The following SCG5 variants were observed in gnomAD, a reference collection of about 807,000 sequenced individuals.
The protein encoded by SCG5 is neuroendocrine protein 7B2.
In SCG5, 18 loss-of-function variants were observed where a neutral mutation model predicts 25.7. The observed-to-expected ratio is 0.70, with a 90% CI of 0.48 to 1.04. The LOEUF (loss-of-function observed/expected upper bound fraction) is 1.04, where lower values mean the gene tolerates loss of function less well. Ranked by LOEUF, SCG5 falls within the 50% of genes least tolerant of loss-of-function variation. The pLI, the probability that SCG5 is intolerant of heterozygous loss-of-function variation, is 0.00. For synonymous variants in SCG5, 101 were observed against 91.7 expected, an observed-to-expected ratio of 1.10 and a Z score of -0.58; for missense variants, 206 against 259.8, an observed-to-expected ratio of 0.79 and a Z score of 1.42.
At position 32,643,774 on chromosome 15, in the gene SCG5, C is replaced by T. The variant is rs754987387; in HGVS notation, c.182C>T (p.Pro61Leu). Residue 61 changes from proline to leucine, a missense_variant, in exon 2 of 6, where the codon CCA (proline) becomes CTA (leucine). By Grantham distance (98) the Pro-to-Leu change is moderately conservative (BLOSUM62 -3). Coordinates refer to ENST00000300175, the MANE Select transcript of SCG5 (RefSeq NM_001144757.3). ...ATTGCCAGGCCCCGAGTGGAATATC[C>T]AGCTCACCAGGCCATGAATCTTGTG... ...LGIARPRVEY[P>L]AHQAMNLVGP... is the part of the protein sequence containing the mutation. 5.6e-6 allele frequency: 9 copies of T among 1,613,776 alleles called. No homozygotes were observed. The African/African-American group carries it at 1.1e-4, about 19-fold the overall frequency.
chr15:32,694,769 T>A (rs997497416), intron 5 of SCG5, among the ~76,000 whole-genome samples: 2 of 152,280 alleles, frequency 1.3e-5, no homozygotes, highest in African/African-American at 4.8e-5. Flanking sequence ...TGCATCTTTG[T>A]AGAGTGAGTC....
At chr15:32,656,521 G>A (rs1267458224) in intron 2 of SCG5, among the ~76,000 whole-genome samples, 4 of 152,182 alleles carry the variant, frequency 2.6e-5, no homozygotes, top group African/African-American at 7.2e-5. Flanking sequence ...TAAGCTTTAC[G>A]AGTTAAATGT....
In SCG5 at chr15:32,662,749, A is replaced by AT. The variant is rs2054240729; in HGVS notation, c.227-17016dup. Reference sequence around the variant, plus strand: ...CCTGAAGTTGGAAGAAGAGGGAAGAATGGCGAGAGAGGAGGTAGTGCAGAG... The same window carrying AT: ...CCTGAAGTTGGAAGAAGAGGGAAGAATTGGCGAGAGAGGAGGTAGTGCAGAG... On this transcript the variant is annotated intron_variant, in intron 2 of 5. Coordinates refer to ENST00000300175, the MANE Select transcript of SCG5 (RefSeq NM_001144757.3). Among the ~76,000 whole-genome samples the AT allele has an allele frequency of 3.9e-5, 6 of 152,178 alleles. No homozygotes were observed. The South Asian group carries it at 1.0e-3, about 26-fold the overall frequency.
chr15:32,692,091 A>T, intron 5 of SCG5: 2 of 1,173,666 alleles, frequency 1.7e-6, no homozygotes, highest in Non-Finnish European at 2.1e-6. Context: ...CTGCCCTCCC[A>T]GGGTCTGTAG....
At position 32,679,867 on chromosome 15, in the gene SCG5, G is replaced by T. The variant is rs760788142; in HGVS notation, c.328G>T (p.Asp110Tyr). The T allele has an allele frequency of 1.2e-6, 2 of 1,613,938 alleles. No homozygotes were observed. The highest frequency in any genetic ancestry group is 1.1e-5 in the South Asian group (1 of 91,064). ...CAACATTCCTAAGGACTTTAGTGAG[G>T]ATCAGGGGTACCCAGACCCTCCAAA... ...GDNIPKDFSE[D>Y]QGYPDPPNPC... is the part of the protein sequence containing the mutation. Residue 110 changes from aspartate (D) to tyrosine (Y), a missense_variant, in exon 3 of 6, where the codon GAT becomes TAT. Transcript: ENST00000300175.
intron 2 of SCG5, among the ~76,000 whole-genome samples, chr15:32,650,358 C>T (rs1401430967): frequency 2.0e-5 from 3 of 152,218 alleles, no homozygotes. Context: ...ATCTCGGCCT[C>T]CCAAAGTGCT....
rs147879631 is a variant in SCG5 at position 32,652,919 on chromosome 15, T to C, written c.226+9101T>C. Among the ~76,000 whole-genome samples, 797 of 152,346 alleles carry C rather than the reference T, an allele frequency of 5.2e-3. 7 individuals carry two copies. The highest frequency in any genetic ancestry group is 0.018 in the African/African-American group (751 of 41,590). On this transcript the variant is annotated intron_variant, in intron 2 of 5. Coordinates refer to ENST00000300175, the MANE Select transcript of SCG5 (RefSeq NM_001144757.3). ...TAGATGTCTTGTAGATCAAAAGATCTAAAGTGTCATCTTTGTCTATTTTAT... is the reference window on the plus strand; with the variant it reads ...TAGATGTCTTGTAGATCAAAAGATCCAAAGTGTCATCTTTGTCTATTTTAT...
At position 32,696,266 on chromosome 15, in the gene SCG5, C is replaced by T. The variant is rs527259002; in HGVS notation, c.544-248C>T. Reference sequence around the variant, plus strand: ...CCAAGTAGCTGGGACTACAGGCACCCACCACCACGCCCGGCTAATTTTTTG... The same window carrying T: ...CCAAGTAGCTGGGACTACAGGCACCTACCACCACGCCCGGCTAATTTTTTG... On this transcript the variant is annotated intron_variant, in intron 5 of 5. Transcript: ENST00000300175. 7.3e-3 allele frequency among the ~76,000 whole-genome samples: 1,113 copies of T among 152,210 alleles called. 8 individuals are homozygous for T. The highest frequency in any genetic ancestry group is 0.025 in the African/African-American group (1,046 of 41,520).
chr15:32,683,741 G>A (rs1380726215), intron 3 of SCG5, among the ~76,000 whole-genome samples: 3 of 152,186 alleles, frequency 2.0e-5, no homozygotes, highest in Non-Finnish European at 4.4e-5. Context: ...TTAGGAGCTG[G>A]GATTTGATCC....
At chr15:32,688,217 A>G (rs2054757346) in intron 4 of SCG5, among the ~76,000 whole-genome samples, 1 of 152,336 alleles carries the variant, frequency 6.6e-6, no homozygotes, top group South Asian at 2.1e-4. Flanking sequence ...CTTCCAGACA[A>G]TGTGTGTGAC....
intron 2 of SCG5, among the ~76,000 whole-genome samples, chr15:32,655,083 C>T (rs1275417924): frequency 1.3e-5 from 2 of 152,016 alleles, no homozygotes; most frequent in African/African-American, 4.8e-5. Context: ...CCGAGGCGGG[C>T]GGATCACAGG....
At position 32,673,887 on chromosome 15, in the gene SCG5, G is replaced by A. The variant is rs540409204; in HGVS notation, c.227-5879G>A. On this transcript the variant is annotated intron_variant, in intron 2 of 5. Transcript: ENST00000300175. Reference sequence around the variant, plus strand: ...TAGTTGGGATTACAGGCGCCTGCCTGTAATTGTATTTTTAGTAGAAATGGG... The same window carrying A: ...TAGTTGGGATTACAGGCGCCTGCCTATAATTGTATTTTTAGTAGAAATGGG... Among the ~76,000 whole-genome samples, 5 of 152,006 alleles carry A rather than the reference G, an allele frequency of 3.3e-5. No homozygotes were observed. In the East Asian group the frequency reaches 5.8e-4, roughly 18 times the overall value.
At chr15:32,652,054 C>T (rs539227089) in intron 2 of SCG5, among the ~76,000 whole-genome samples, 1 of 152,190 alleles carries the variant, frequency 6.6e-6, no homozygotes, top group Non-Finnish European at 1.5e-5. Context: ...TGGGATAAAT[C>T]GGCCAGAAAG....
At chr15:32,688,755 G>A (rs1353559040) in intron 4 of SCG5, among the ~76,000 whole-genome samples, 18 of 152,136 alleles carry the variant, frequency 1.2e-4, no homozygotes, top group African/African-American at 3.6e-4. Context: ...TCAGGAGATC[G>A]AGACCATCCT....
intron 2 of SCG5, among the ~76,000 whole-genome samples, chr15:32,675,299 C>G (rs927546604): frequency 6.6e-6 from 1 of 152,144 alleles, no homozygotes; most frequent in Admixed American, 6.5e-5. Flanking sequence ...GATTTTGAAA[C>G]CTCACAAGCT....
intron 3 of SCG5, among the ~76,000 whole-genome samples, chr15:32,683,152 T>C (rs948801668): frequency 1.2e-4 from 18 of 152,254 alleles, no homozygotes; most frequent in Non-Finnish European, 2.2e-4. Flanking sequence ...AGAATGCTGA[T>C]GACTTCCACA....
intron 2 of SCG5, among the ~76,000 whole-genome samples, chr15:32,657,201 A>G (rs866750461): frequency 1.9e-4 from 10 of 53,698 alleles, no homozygotes; most frequent in African/African-American, 7.0e-4. Context: ...ATCCTCCTGT[A>G]TATATATATA....
intron 5 of SCG5, among the ~76,000 whole-genome samples, chr15:32,694,715 G>A (rs936868371): frequency 3.3e-5 from 5 of 152,228 alleles, no homozygotes; most frequent in African/African-American, 1.2e-4. Context: ...CTTTTCAAGT[G>A]TCTGAGGACA....
chr15:32,696,198 A>G (rs554152551), intron 5 of SCG5, among the ~76,000 whole-genome samples: 13 of 152,186 alleles, frequency 8.5e-5, no homozygotes, highest in African/African-American at 2.9e-4. Flanking sequence ...GCTCACTGCA[A>G]GCTCCGCCTC....
Sources: allele counts gnomAD v4.1 joint callset (sites outside exome capture counted in the v4.1 genomes callset), GRCh38; gene constraint gnomAD v4.1.1; transcripts MANE v1.5; gene names NCBI Gene and HGNC (gene_info 2026-07-23, HGNC 2026-07-21).